ITGB4: variants seen among roughly 807,000 people sequenced by gnomAD.
ITGB4 encodes the protein integrin beta-4.
Under a neutral mutation model 207.6 loss-of-function variants are expected in ITGB4, and 159 were observed. That is an observed-to-expected ratio of 0.77 (90% CI 0.67 to 0.87). ITGB4 has a LOEUF of 0.87. ITGB4 is among the 40% of genes least tolerant of loss of function. The pLI is 0.00. For missense variants in ITGB4, 2,278 were observed against 2,546.8 expected (o/e 0.89, Z 2.27); for synonymous variants, 1,020 against 1,062.7 (o/e 0.96, Z 0.78).
At position 75,729,307 on chromosome 17, in the gene ITGB4, C is replaced by T. The variant is rs781258435; in HGVS notation, c.609C>T (p.Phe203=). The T allele has an allele frequency of 8.2e-5, 133 of 1,614,050 alleles. 4 individuals carry two copies. The South Asian group carries it at 1.4e-3, about 18-fold the overall frequency. Residue 203 remains phenylalanine (F), a synonymous_variant, in exon 7 of 40, where the codon TTC becomes TTT. Transcript: ENST00000200181. This position sits in a 1 kb window ranked among gnomAD's most constrained non-coding sequence, Gnocchi z 4.4. ...PWPNSDPPFS[F]KNVISLTEDV... Reference sequence around the variant, plus strand: ...CCAACAGTGACCCCCCCTTCTCCTTCAAGAACGTCATCAGCCTGACAGAAG... The same window carrying T: ...CCAACAGTGACCCCCCCTTCTCCTTTAAGAACGTCATCAGCCTGACAGAAG...
chr17:75,725,379 C>T (rs537369985), intron 2 of ITGB4, among the ~76,000 whole-genome samples: 1 of 152,258 alleles, frequency 6.6e-6, no homozygotes, highest in East Asian at 1.9e-4. Flanking sequence ...GTGATGCCAT[C>T]GTGGCTCACT....
At position 75,757,327 on chromosome 17, in the gene ITGB4, AG is replaced by A; in HGVS notation, c.5329+21del. On this transcript the variant is annotated intron_variant, in intron 39 of 39. Coordinates refer to ENST00000200181, the MANE Select transcript of ITGB4 (RefSeq NM_000213.5). ...TCCTAGTGGGTGAGCACTGAGGGCT[AG>A]GGGATCCCGGCTCTCCTGGGACAGG... 6.2e-7 allele frequency: 1 copy of A among 1,612,412 alleles called. No individual in the cohort carries two copies. The highest frequency in any genetic ancestry group is 8.5e-7 in the Non-Finnish European group (1 of 1,179,748).
chr17:75,756,505 C>G lies in ITGB4; in HGVS notation c.4785C>G (p.Ser1595=). The part of the protein sequence containing the change: ...VVVEDLLPNH[S]YVFRVRAQSQ... ...TGGAAGACCTCCTGCCCAACCACTC[C>G]TACGTGTTCCGCGTGCGGGCCCAGA... Residue 1595 remains serine, a synonymous_variant, in exon 36 of 40, where the codon TCC becomes TCG. Coordinates refer to ENST00000200181, the MANE Select transcript of ITGB4 (RefSeq NM_000213.5). 1 of 1,613,400 alleles carries G rather than the reference C, an allele frequency of 6.2e-7. No homozygotes were observed. The highest frequency in any genetic ancestry group is 1.1e-5 in the South Asian group (1 of 91,086).
At chr17:75,747,435 C>T (rs1249363717) in intron 26 of ITGB4, among the ~76,000 whole-genome samples, 7 of 152,038 alleles carry the variant, frequency 4.6e-5, no homozygotes, top group African/African-American at 1.4e-4. Flanking sequence ...GCCAAGATTG[C>T]GCCACTTCAC....
chr17:75,741,033 G>A (rs1233048136), intron 23 of ITGB4, 28 bp downstream of exon 23: 1 of 1,602,564 alleles, frequency 6.2e-7, no homozygotes, highest in South Asian at 1.1e-5. Context: ...GGGTGAGAGG[G>A]CCCCCACTTC....
rs748230223 is a variant in ITGB4, at chr17:75,727,180, C to T, written c.80-15C>T. On this transcript the variant is annotated splice_polypyrimidine_tract_variant and intron_variant, in intron 2 of 39. Transcript: ENST00000200181. This position sits in a 1 kb window ranked among gnomAD's most constrained non-coding sequence, Gnocchi z 6.0. The stretch of plus-strand genomic sequence containing the variant: ...GAGCGCCTCCCCATTCATGTGCCCA[C>T]ATCTGTCCCCCCAGCAAACCGCTGC... 1.2e-6 allele frequency: 2 copies of T among 1,613,076 alleles called. No homozygotes were observed. Among genetic ancestry groups the T allele is most frequent in the East Asian group, 4.5e-5 (2 of 44,786 alleles).
At position 75,727,108 on chromosome 17, in the gene ITGB4, C is replaced by T; in HGVS notation, c.80-87C>T. The T allele has an allele frequency of 1.0e-6, 1 of 979,654 alleles. No homozygotes were observed. Among genetic ancestry groups the T allele is most frequent in the Non-Finnish European group, 1.6e-6 (1 of 617,934 alleles). The allele number at this position is 979,654 out of a possible 1,614,324, so 60.7% of individuals were successfully genotyped here. A position where few individuals can be genotyped will look rare whatever the true frequency, so the allele number is the denominator to read the frequency against. On this transcript the variant is annotated intron_variant, in intron 2 of 39. Transcript: ENST00000200181. The surrounding 1 kb of genome is among the most constrained non-coding windows in gnomAD (Gnocchi z 6.0). Reference sequence around the variant, plus strand: ...AATAAATAACATAAGGAGGGAATCCCCATCTCTCCAGGTGAAGGTGCAGGT... The same window carrying T: ...AATAAATAACATAAGGAGGGAATCCTCATCTCTCCAGGTGAAGGTGCAGGT...
At position 75,729,435 on chromosome 17, in the gene ITGB4, C is replaced by T. The variant is rs1288219818; in HGVS notation, c.737C>T (p.Thr246Met). 5.0e-6 allele frequency: 8 copies of T among 1,613,708 alleles called. No homozygotes were observed. The highest frequency in any genetic ancestry group is 1.6e-4 in the Middle Eastern group (1 of 6,082). Residue 246 changes from threonine to methionine, a missense_variant and splice_region_variant, in exon 7 of 40, where the codon ACG becomes ATG. Physicochemically the swap from Thr to Met is moderately conservative, Grantham distance 81. Coordinates refer to ENST00000200181, the MANE Select transcript of ITGB4 (RefSeq NM_000213.5). This position sits in a 1 kb window ranked among gnomAD's most constrained non-coding sequence, Gnocchi z 4.4. Reference protein sequence around the residue: ...FDAILQTAVCTRDIGWRPDST... With the variant: ...FDAILQTAVCMRDIGWRPDST... ...GCCATCCTGCAGACAGCTGTGTGCACGGTGGGCACTGGGAAGGGTGCTGCC... is the reference window on the plus strand; with the variant it reads ...GCCATCCTGCAGACAGCTGTGTGCATGGTGGGCACTGGGAAGGGTGCTGCC...
chr17:75,730,950 G>C lies in ITGB4; in HGVS notation c.1078G>C (p.Glu360Gln). The change falls in exon 9 of 40, where the codon GAG (glutamate) becomes CAG (glutamine). Residue 360 changes from glutamate to glutamine, a missense_variant. Coordinates refer to ENST00000200181, the MANE Select transcript of ITGB4 (RefSeq NM_000213.5). ...EDSSNIVELL[E>Q]EAFNRIRSNL... ...CTCGTCCAACATCGTGGAGCTGCTG[G>C]AGGAGGCCTTCAATGTGAGGGCAGC... 6.2e-7 allele frequency: 1 copy of C among 1,613,690 alleles called. No individual in the cohort carries two copies. The highest frequency in any genetic ancestry group is 8.5e-7 in the Non-Finnish European group (1 of 1,179,830).
rs1449463233 is a variant in ITGB4, at chr17:75,750,562, C to G, written c.3475-118C>G. On this transcript the variant is annotated intron_variant, in intron 28 of 39. Coordinates refer to ENST00000200181, the MANE Select transcript of ITGB4 (RefSeq NM_000213.5). The surrounding 1 kb of genome is among the most constrained non-coding windows in gnomAD (Gnocchi z 5.5). Reference sequence around the variant, plus strand: ...CGTGTGCACATGGCAGATCTCTCAGCCCCTCCCTCGGGCCTCATCTGTGCA... The same window carrying G: ...CGTGTGCACATGGCAGATCTCTCAGGCCCTCCCTCGGGCCTCATCTGTGCA... 2.1e-6 allele frequency: 2 copies of G among 950,038 alleles called. No individual in the cohort carries two copies. The highest frequency in any genetic ancestry group is 3.3e-6 in the Non-Finnish European group (2 of 610,104). The allele number at this position is 950,038 out of a possible 1,614,324, so 58.9% of individuals were successfully genotyped here.
In ITGB4 at chr17:75,727,383, A is replaced by T. The variant is rs2060742606; in HGVS notation, c.163-21A>T. 10 of 1,613,596 alleles carry T rather than the reference A, an allele frequency of 6.2e-6. 1 individual carries two copies. In the East Asian group the frequency reaches 2.0e-4, roughly 32 times the overall value. ...CAGGGAATGGGTGCTGCCCCCAGTG[A>T]CCCCCTGTCCTTCTGGCCAGATGTT... On this transcript the variant is annotated intron_variant, in intron 3 of 39. Transcript: ENST00000200181. The surrounding 1 kb of genome is among the most constrained non-coding windows in gnomAD (Gnocchi z 6.0).
At chr17:75,723,228 C>T (rs765100073) in intron 1 of ITGB4, among the ~76,000 whole-genome samples, 7 of 152,162 alleles carry the variant, frequency 4.6e-5, no homozygotes, top group African/African-American at 1.2e-4. Context: ...ATCTGGGAAA[C>T]GGGCAGAATG....
At chr17:75,751,695 C>T (rs770875365) in intron 30 of ITGB4, 5 of 221,590 alleles carry the variant, frequency 2.3e-5, no homozygotes, top group African/African-American at 4.7e-5. Flanking sequence ...GAACCGAGAT[C>T]GTGTTACCGC....
Position 75,731,847 on chromosome 17 carries a change from C to T in ITGB4, c.1251C>T (p.His417=), listed in dbSNP as rs771640857. Reference sequence around the variant, plus strand: ...AGGTGCAGCTGCGGGCCCTTGAGCACGTGGATGGGACGCACGTGTGCCAGC... The same window carrying T: ...AGGTGCAGCTGCGGGCCCTTGAGCATGTGGATGGGACGCACGTGTGCCAGC... ...IYQVQLRALE[H]VDGTHVCQLP... The change falls in exon 11 of 40, where the codon CAC becomes CAT. Residue 417 remains histidine, a synonymous_variant. Coordinates refer to ENST00000200181, the MANE Select transcript of ITGB4 (RefSeq NM_000213.5). The surrounding 1 kb of genome is among the most constrained non-coding windows in gnomAD (Gnocchi z 6.8). 33 of 1,611,508 alleles carry T rather than the reference C, an allele frequency of 2.0e-5. No individual in the cohort carries two copies. The East Asian group carries it at 3.6e-4, about 17-fold the overall frequency.
chr17:75,728,400 A>G lies in ITGB4; in HGVS notation c.493A>G (p.Ser165Gly). ...NLARVLSQLT[S>G]DYTIGFGKFV... is the part of the protein sequence containing the mutation. ...AGCTCGGGTCCTGAGCCAGCTCACC[A>G]GCGACTACACTATTGGATTTGGCAA... Residue 165 changes from serine (S) to glycine (G), a missense_variant, in exon 6 of 40, where the codon AGC becomes GGC. Coordinates refer to ENST00000200181, the MANE Select transcript of ITGB4 (RefSeq NM_000213.5). 6.2e-7 allele frequency: 1 copy of G among 1,613,976 alleles called. No individual in the cohort carries two copies. The highest frequency in any genetic ancestry group is 8.5e-7 in the Non-Finnish European group (1 of 1,179,948).
In ITGB4 at chr17:75,750,482, GC is replaced by G. The variant is rs1479929262; in HGVS notation, c.3475-193del. Among the ~76,000 whole-genome samples, 1 of 152,112 alleles carries G rather than the reference GC, an allele frequency of 6.6e-6. No individual in the cohort carries two copies. Among genetic ancestry groups the G allele is most frequent in the Non-Finnish European group, 1.5e-5 (1 of 68,002 alleles). ...CATTTGCCCTCCTTCCTAGAATGGG[GC>G]CCCCTCCCACCCCCGCATGGGAGAT... On this transcript the variant is annotated intron_variant, in intron 28 of 39. Transcript: ENST00000200181. This position sits in a 1 kb window ranked among gnomAD's most constrained non-coding sequence, Gnocchi z 5.5.
Position 75,753,913 on chromosome 17 carries a change from C to CGGCGGCGCG in ITGB4, c.4263_4271dup (p.Ala1422_Gly1424dup). On this transcript the variant is annotated inframe_insertion, in exon 33 of 40. Transcript: ENST00000200181. ...AGGCGCCCCACGGGCCCCCGGACGA[C>CGGCGGCGCG]GGCGGCGCGGGCGGGAAGGGCGGCA... 1.6e-6 allele frequency: 2 copies of CGGCGGCGCG among 1,287,204 alleles called. No homozygotes were observed. The highest frequency in any genetic ancestry group is 2.0e-6 in the Non-Finnish European group (2 of 1,023,540). The allele number at this position is 1,287,204 out of a possible 1,614,324, so 79.7% of individuals were successfully genotyped here. A position where few individuals can be genotyped will look rare whatever the true frequency, so the allele number is the denominator to read the frequency against.
intron 23 of ITGB4, among the ~76,000 whole-genome samples, chr17:75,741,810 A>C (rs574609662): frequency 3.0e-4 from 45 of 152,114 alleles, no homozygotes; most frequent in African/African-American, 1.1e-3. Context: ...CGTCTTGAAA[A>C]AAAAAAAAAA....
rs371916563 is a variant in ITGB4, at chr17:75,729,877, C to G, written c.739-364C>G. 1.3e-5 allele frequency among the ~76,000 whole-genome samples: 2 copies of G among 152,216 alleles called. No homozygotes were observed. Among genetic ancestry groups the G allele is most frequent in the Non-Finnish European group, 2.9e-5 (2 of 68,042 alleles). ...CAAAGAGCTAGCCAAGGCGTGGTGGCTCACACCTGTAATCCCAGCACTTTG... is the reference window on the plus strand; with the variant it reads ...CAAAGAGCTAGCCAAGGCGTGGTGGGTCACACCTGTAATCCCAGCACTTTG... On this transcript the variant is annotated intron_variant, in intron 7 of 39. Transcript: ENST00000200181. The surrounding 1 kb of genome is among the most constrained non-coding windows in gnomAD (Gnocchi z 4.4).
Sources: gnomAD v4.1 joint callset for allele counts (sites outside exome capture counted in the v4.1 genomes callset) on GRCh38, gnomAD v4.1.1 for gene constraint, Gnocchi (gnomAD v3.1) non-coding constraint, MANE v1.5 for transcripts, NCBI Gene and HGNC (gene_info 2026-07-23, HGNC 2026-07-21) for gene names.